The following ATXN2L variants were observed in gnomAD, a reference collection of about 807,000 sequenced individuals.
The protein encoded by ATXN2L is ataxin 2 like, also known as ataxin-2-like protein.
A neutral mutation model predicts 120.7 loss-of-function variants in ATXN2L; 24 were observed. The ratio of observed to expected loss-of-function variants is 0.20; its 90% confidence interval spans 0.14 to 0.28. ATXN2L has a LOEUF of 0.28. Among genes scored for constraint, ATXN2L ranks in the 10% least tolerant of loss-of-function variants. The pLI, the probability that ATXN2L is intolerant of heterozygous loss-of-function variation, is 1.00. For missense variants in ATXN2L, 1,312 were observed against 1,432.3 expected, an observed-to-expected ratio of 0.92 and a Z score of 1.36; for synonymous variants, 653 against 568.1, an observed-to-expected ratio of 1.15 and a Z score of -2.13.
chr16:28,826,538 C>G, intron 5 of ATXN2L, 148 bp downstream of exon 5: 1 of 872,482 alleles, frequency 1.1e-6, no homozygotes. Context: ...TTTTCCTGAG[C>G]GAAGTGGGTG....
intron 6 of ATXN2L, among the ~76,000 whole-genome samples, chr16:28,827,303 A>G (rs559400279): frequency 5.9e-5 from 9 of 152,230 alleles, no homozygotes; most frequent in Admixed American, 1.3e-4. Context: ...GTTTGGTGGC[A>G]TGTACCTGTA....
chr16:28,836,875 C>T lies in ATXN2L; in HGVS notation c.*610C>T, dbSNP rs1961155475. ...CTCGGACCACTCCCAGCCCCCCATC[C>T]CCCCGTTCCCCAGGGGAGCTGGGGA... is the stretch of plus-strand genomic sequence containing the variant. On this transcript the variant is annotated 3_prime_UTR_variant, in exon 22 of 22. Transcript: ENST00000336783. The T allele has an allele frequency of 1.5e-6, 2 of 1,297,940 alleles. No homozygotes were observed. The highest frequency in any genetic ancestry group is 2.2e-6 in the Non-Finnish European group (2 of 917,190). The allele number at this position is 1,297,940 out of a possible 1,614,324, so 80.4% of individuals were successfully genotyped here.
Position 28,835,372 on chromosome 16 carries a change from C to A in ATXN2L, c.2658C>A (p.Ser886=). The change falls in exon 20 of 22, where the codon TCC becomes TCA. Residue 886 remains serine, a synonymous_variant. Coordinates refer to ENST00000336783, the MANE Select transcript of ATXN2L (RefSeq NM_007245.4). The part of the protein sequence containing the change: ...ATTPTGSQPQ[S]QHAAPSPVQH... ...CGCCTACTGGAAGCCAGCCGCAGTC[C>A]CAGCATGCGGCCCCCAGTCCTGTCC... 6.2e-7 allele frequency: 1 copy of A among 1,613,174 alleles called. No individual in the cohort carries two copies. Among genetic ancestry groups the A allele is most frequent in the Non-Finnish European group, 8.5e-7 (1 of 1,179,964 alleles).
intron 6 of ATXN2L, 71 bp from the exon 7 acceptor site, chr16:28,829,330 C>T (rs2053510427): frequency 6.5e-6 from 7 of 1,072,052 alleles, no homozygotes; most frequent in East Asian, 4.7e-5. Flanking sequence ...GAGTTTTTAA[C>T]CTGATGGAAG....
In ATXN2L at chr16:28,823,567, G is replaced by C; in HGVS notation, c.299+9G>C. Reference sequence around the variant, plus strand: ...GCCATCGGCAGCGCCAGGTGAGAAGGGTGGGCTCCGGGCGAGGGAGCCGCG... The same window carrying C: ...GCCATCGGCAGCGCCAGGTGAGAAGCGTGGGCTCCGGGCGAGGGAGCCGCG... On this transcript the variant is annotated intron_variant, in intron 1 of 21. Coordinates refer to ENST00000336783, the MANE Select transcript of ATXN2L (RefSeq NM_007245.4). 1.5e-6 allele frequency: 2 copies of C among 1,329,200 alleles called. No homozygotes were observed. The highest frequency in any genetic ancestry group is 1.9e-6 in the Non-Finnish European group (2 of 1,043,012). The allele number at this position is 1,329,200 out of a possible 1,614,324, so 82.3% of individuals were successfully genotyped here.
chr16:28,830,158 T>TGGTCACAA, intron 8 of ATXN2L, 100 bp downstream of exon 8: 1 of 1,220,738 alleles, frequency 8.2e-7, no homozygotes, highest in Non-Finnish European at 1.1e-6. Flanking sequence ...CTTGTGACCA[T>TGGTCACAA]GTAAAATGTC....
rs1306858394 is a variant in ATXN2L, at chr16:28,823,094, C to T, written c.-166C>T. 13 of 379,074 alleles carry T rather than the reference C, an allele frequency of 3.4e-5. No homozygotes were observed. Among genetic ancestry groups the T allele is most frequent in the East Asian group, 3.8e-5 (1 of 26,332 alleles). 23.5% of individuals were successfully genotyped at this position (379,074 alleles called of 1,614,324 possible). On this transcript the variant is annotated 5_prime_UTR_variant, in exon 1 of 22. Transcript: ENST00000336783. ...TCCGCCTCGCGGCGCTTCCTCGCGC[C>T]GCGGTCTTCTCTCTCCACCCCCGAC...
intron 1 of ATXN2L, chr16:28,824,500 C>T: frequency 7.8e-7 from 1 of 1,288,272 alleles, no homozygotes; most frequent in Non-Finnish European, 1.0e-6. Context: ...TTACATCAGC[C>T]AGCGACGAGC....
At chr16:28,827,040 G>GAAC in intron 6 of ATXN2L, 54 bp downstream of exon 6, 1 of 1,364,220 alleles carries the variant, frequency 7.3e-7, no homozygotes, top group Non-Finnish European at 9.6e-7. Flanking sequence ...ATGGGTTGTT[G>GAAC]ACAGTGAGGT....
At position 28,834,934 on chromosome 16, in the gene ATXN2L, A is replaced by G; in HGVS notation, c.2434-124A>G. Reference sequence around the variant, plus strand: ...ATAGTGTCTGCTGGGTGGGATCGTTATGAATGTTGAATCAATAGGGTGATT... The same window carrying G: ...ATAGTGTCTGCTGGGTGGGATCGTTGTGAATGTTGAATCAATAGGGTGATT... On this transcript the variant is annotated intron_variant, in intron 18 of 21. Coordinates refer to ENST00000336783, the MANE Select transcript of ATXN2L (RefSeq NM_007245.4). The G allele has an allele frequency of 2.2e-6, 3 of 1,340,308 alleles. No individual in the cohort carries two copies. In the South Asian group the frequency reaches 4.2e-5, roughly 19 times the overall value. 83.0% of individuals were successfully genotyped at this position (1,340,308 alleles called of 1,614,324 possible).
In ATXN2L at chr16:28,836,888, G is replaced by GCTCCCCT; in HGVS notation, c.*623_*624insCTCCCCT. ...CAGCCCCCCATCCCCCCGTTCCCCA[G>GCTCCCCT]GGGAGCTGGGGAATTCCTGCCAAGC... On this transcript the variant is annotated 3_prime_UTR_variant, in exon 22 of 22. Coordinates refer to ENST00000336783, the MANE Select transcript of ATXN2L (RefSeq NM_007245.4). 8.6e-7 allele frequency: 1 copy of GCTCCCCT among 1,161,604 alleles called. No individual in the cohort carries two copies. Among genetic ancestry groups the GCTCCCCT allele is most frequent in the Non-Finnish European group, 1.2e-6 (1 of 805,520 alleles). The allele number at this position is 1,161,604 out of a possible 1,614,324, so 72.0% of individuals were successfully genotyped here.
Position 28,823,419 on chromosome 16 carries a change from G to A in ATXN2L, c.160G>A (p.Ala54Thr), listed in dbSNP as rs924833789. 3.1e-6 allele frequency: 4 copies of A among 1,303,356 alleles called. No individual in the cohort carries two copies. In the East Asian group the frequency reaches 1.2e-4, roughly 41 times the overall value. The allele number at this position is 1,303,356 out of a possible 1,614,324, so 80.7% of individuals were successfully genotyped here. A position where few individuals can be genotyped will look rare whatever the true frequency, so the allele number is the denominator to read the frequency against. ...TGCGGCTCCTCCCGGGCCTCCAGCGGCCGCCTCCCCCTGCCTGGGGCCTGT... is the reference window on the plus strand; with the variant it reads ...TGCGGCTCCTCCCGGGCCTCCAGCGACCGCCTCCCCCTGCCTGGGGCCTGT... ...TSAAPPGPPA[A>T]ASPCLGPVAA... The change falls in exon 1 of 22, where the codon GCC (alanine) becomes ACC (threonine). Residue 54 changes from alanine (A) to threonine (T), a missense_variant. Physicochemically the swap from Ala to Thr is moderately conservative, Grantham distance 58. Coordinates refer to ENST00000336783, the MANE Select transcript of ATXN2L (RefSeq NM_007245.4).
At chr16:28,832,650 C>G in intron 12 of ATXN2L, 83 bp downstream of exon 12, 1 of 1,474,976 alleles carries the variant, frequency 6.8e-7, no homozygotes, top group Non-Finnish European at 9.4e-7. Flanking sequence ...TGTTGGAATT[C>G]AGAGGCAAAC....
intron 6 of ATXN2L, among the ~76,000 whole-genome samples, chr16:28,828,367 A>G (rs1426474656): frequency 6.6e-6 from 1 of 152,130 alleles, no homozygotes; most frequent in Non-Finnish European, 1.5e-5. Flanking sequence ...CGGGCAGATC[A>G]CCTGAGGTTG....
rs1341728920 is a variant in ATXN2L at position 28,823,402 on chromosome 16, C to T, written c.143C>T (p.Pro48Leu). 12 of 1,317,988 alleles carry T rather than the reference C, an allele frequency of 9.1e-6. No homozygotes were observed. Among genetic ancestry groups the T allele is most frequent in the Non-Finnish European group, 1.2e-5 (12 of 1,038,032 alleles). 81.6% of individuals were successfully genotyped at this position (1,317,988 alleles called of 1,614,324 possible). The change falls in exon 1 of 22, where the codon CCT (proline) becomes CTT (leucine). Residue 48 changes from proline (P) to leucine (L), a missense_variant. Coordinates refer to ENST00000336783, the MANE Select transcript of ATXN2L (RefSeq NM_007245.4). ...LPGPLATSAA[P>L]PGPPAAASPC... ...GGGCCGCTGGCCACCTCTGCGGCTCCTCCCGGGCCTCCAGCGGCCGCCTCC... is the reference window on the plus strand; with the variant it reads ...GGGCCGCTGGCCACCTCTGCGGCTCTTCCCGGGCCTCCAGCGGCCGCCTCC...
rs2052279806 is a variant in ATXN2L, at chr16:28,826,858, A to G, written c.617-4A>G. 1.3e-6 allele frequency: 2 copies of G among 1,572,626 alleles called. No homozygotes were observed. The highest frequency in any genetic ancestry group is 2.3e-5 in the East Asian group (1 of 44,106). Reference sequence around the variant, plus strand: ...ACTCCTGATCTTCACCTCTGCCCCCACAGACAAGTTCACCGATTCAGCCAT... The same window carrying G: ...ACTCCTGATCTTCACCTCTGCCCCCGCAGACAAGTTCACCGATTCAGCCAT... On this transcript the variant is annotated splice_polypyrimidine_tract_variant and splice_region_variant and intron_variant, in intron 5 of 21. Transcript: ENST00000336783.
Position 28,830,773 on chromosome 16 carries a change from C to A in ATXN2L, c.1193C>A (p.Ala398Asp). Residue 398 changes from alanine to aspartate, a missense_variant, in exon 9 of 22, where the codon GCC becomes GAC. By Grantham distance (126) the Ala-to-Asp change is moderately radical (BLOSUM62 -2). Coordinates refer to ENST00000336783, the MANE Select transcript of ATXN2L (RefSeq NM_007245.4). ...AGCAGCCCTGGCCCAGGTTCTGAGG[C>A]CCGTGGTATCAATGGAGGTGAGTTA... ...DNSSPGPGSE[A>D]RGINGGPSRM... The A allele has an allele frequency of 6.2e-7, 1 of 1,602,534 alleles. No homozygotes were observed. The highest frequency in any genetic ancestry group is 8.5e-7 in the Non-Finnish European group (1 of 1,175,500).
At chr16:28,834,033 C>T in intron 15 of ATXN2L, 32 bp from the exon 16 acceptor site, 1 of 1,605,770 alleles carries the variant, frequency 6.2e-7, no homozygotes, top group Non-Finnish European at 8.5e-7. Flanking sequence ...GGGGAAAATA[C>T]AAAATAAAAT....
At chr16:28,830,128 A>G (rs912232128) in intron 8 of ATXN2L, 70 bp downstream of exon 8, 6 of 1,444,514 alleles carry the variant, frequency 4.2e-6, no homozygotes, top group Non-Finnish European at 4.7e-6. Flanking sequence ...CCCAGAGTTG[A>G]TGAGTGCTGT....
Sources: gnomAD v4.1 joint callset for allele counts (sites outside exome capture counted in the v4.1 genomes callset) on GRCh38, gnomAD v4.1.1 for gene constraint, MANE v1.5 for transcripts, NCBI Gene and HGNC (gene_info 2026-07-23, HGNC 2026-07-21) for gene names.